Variants in RANBP2 observed in about 807,000 individuals in gnomAD.
RANBP2 encodes the protein E3 SUMO-protein ligase RanBP2.
A neutral mutation model predicts 303.6 loss-of-function variants in RANBP2; 57 were observed. The observed-to-expected ratio is 0.19, with a 90% CI of 0.15 to 0.23. RANBP2 has a LOEUF of 0.23. Among genes scored for constraint, RANBP2 ranks in the 10% least tolerant of loss-of-function variants. RANBP2 has a pLI of 1.00. For synonymous variants in RANBP2, 1,167 were observed against 1,301.5 expected (o/e 0.90, Z 2.23); for missense variants, 3,138 against 3,780.8 (o/e 0.83, Z 4.46).
At chr2:109,283,376 ACTGCG>A in the RANBP2 span, among the ~76,000 whole-genome samples, 7 of 152,062 alleles carry the variant, frequency 4.6e-5, no homozygotes, top group Admixed American at 4.6e-4. Context: ...GCCTCACCTC[ACTGCG>A]TTGAAATTGA....
chr2:109,029,878 AT>A, the RANBP2 span, among the ~76,000 whole-genome samples: 1 of 152,188 alleles, frequency 6.6e-6, no homozygotes, highest in African/African-American at 2.4e-5. Context: ...GCAGCCTCTT[AT>A]TTTGCTCACA....
chr2:109,585,747 C>G, the RANBP2 span: 16 of 1,613,296 alleles, frequency 9.9e-6, no homozygotes, highest in Admixed American at 1.0e-4. Context: ...AAAGCAGAAA[C>G]CTTGCTGAAT....
chr2:109,000,414 C>T, the RANBP2 span, among the ~76,000 whole-genome samples: 2 of 152,092 alleles, frequency 1.3e-5, no homozygotes, highest in South Asian at 4.2e-4. Context: ...GTAGTCCCAG[C>T]TATCGGGAGG....
the RANBP2 span, among the ~76,000 whole-genome samples, chr2:109,299,396 T>C: frequency 6.7e-6 from 1 of 149,788 alleles, no homozygotes; most frequent in Admixed American, 6.7e-5. Flanking sequence ...CACATCAGGG[T>C]CCTTGACACA....
At chr2:109,006,445 C>T in the RANBP2 span, among the ~76,000 whole-genome samples, 56 of 152,264 alleles carry the variant, frequency 3.7e-4, no homozygotes, top group African/African-American at 1.2e-3. Flanking sequence ...CCGCCCGCCT[C>T]GGCCTCCCAA....
the RANBP2 span, among the ~76,000 whole-genome samples, chr2:109,569,931 G>A: frequency 6.6e-6 from 1 of 152,014 alleles, no homozygotes; most frequent in African/African-American, 2.4e-5. Flanking sequence ...GTGGCCTGGG[G>A]AGTGGCAAGA....
At chr2:109,206,039 G>C in the RANBP2 span, among the ~76,000 whole-genome samples, 1 of 152,212 alleles carries the variant, frequency 6.6e-6, no homozygotes, top group African/African-American at 2.4e-5. Flanking sequence ...ACTGTCACTT[G>C]TACCCTGAGA....
At chr2:109,159,235 C>T in the RANBP2 span, among the ~76,000 whole-genome samples, 1 of 152,244 alleles carries the variant, frequency 6.6e-6, no homozygotes, top group Non-Finnish European at 1.5e-5. Context: ...CCTCCCTGTG[C>T]TCTGCTGCTG....
the RANBP2 span, among the ~76,000 whole-genome samples, chr2:109,589,637 T>C: frequency 6.6e-6 from 1 of 152,048 alleles, no homozygotes; most frequent in Non-Finnish European, 1.5e-5. Flanking sequence ...AATGAAGAAA[T>C]GGAATGCTGA....
chr2:109,632,157 C>A, the RANBP2 span, among the ~76,000 whole-genome samples: 2 of 152,170 alleles, frequency 1.3e-5, no homozygotes, highest in Admixed American at 6.5e-5. Flanking sequence ...ACGTGATGTG[C>A]CCTGATTCCA....
chr2:109,106,876 C>T, the RANBP2 span, among the ~76,000 whole-genome samples: 2 of 151,470 alleles, frequency 1.3e-5, no homozygotes, highest in African/African-American at 2.4e-5. Context: ...TAATCCTAAT[C>T]CCTTAGTGTT....
chr2:109,177,933 C>G, the RANBP2 span, among the ~76,000 whole-genome samples: 1 of 152,198 alleles, frequency 6.6e-6, no homozygotes, highest in Non-Finnish European at 1.5e-5. Context: ...AAGTTTCTAG[C>G]AGGAGTCTCA....
chr2:109,316,627 GC>G, the RANBP2 span, among the ~76,000 whole-genome samples: 2 of 152,114 alleles, frequency 1.3e-5, no homozygotes, highest in South Asian at 4.1e-4. Flanking sequence ...CTCCTGCCCC[GC>G]CCCCATGTGC....
At chr2:109,718,943 G>A in the RANBP2 span, among the ~76,000 whole-genome samples, 1 of 146,726 alleles carries the variant, frequency 6.8e-6, no homozygotes, top group African/African-American at 2.5e-5. Context: ...CAGGGAGTCA[G>A]AGGTTGCAGT....
the RANBP2 span, among the ~76,000 whole-genome samples, chr2:109,458,572 C>CAGAGAG: frequency 0.019 from 2,309 of 123,004 alleles, 126 homozygotes; most frequent in African/African-American, 0.051. Context: ...CAGCAGGAGA[C>CAGAGAG]AGAGAGAGAG....
At chr2:109,409,448 A>G in the RANBP2 span, among the ~76,000 whole-genome samples, 1 of 152,212 alleles carries the variant, frequency 6.6e-6, no homozygotes, top group African/African-American at 2.4e-5. Context: ...CTTTATTCAC[A>G]AAAGCAGAAC....
the RANBP2 span, among the ~76,000 whole-genome samples, chr2:109,319,553 C>T: frequency 6.6e-6 from 1 of 152,244 alleles, no homozygotes; most frequent in Non-Finnish European, 1.5e-5. Context: ...AGGGGGCTCA[C>T]AGGGCTGAAA....
the RANBP2 span, among the ~76,000 whole-genome samples, chr2:109,592,301 C>T: frequency 2.6e-5 from 4 of 151,358 alleles, no homozygotes; most frequent in African/African-American, 9.7e-5. Context: ...CCCGTCTCTA[C>T]TAAAAATACA....
At chr2:109,366,366 T>G in the RANBP2 span, among the ~76,000 whole-genome samples, 15 of 152,330 alleles carry the variant, frequency 9.8e-5, no homozygotes, top group South Asian at 3.1e-3. Flanking sequence ...AAGATCTATA[T>G]GTACTGTCAC....
Sources: gnomAD v4.1 joint callset for allele counts (sites outside exome capture counted in the v4.1 genomes callset) on GRCh38, gnomAD v4.1.1 for gene constraint, MANE v1.5 for transcripts, NCBI Gene and HGNC (gene_info 2026-07-23, HGNC 2026-07-21) for gene names.